UBAP1: variants seen among roughly 807,000 people sequenced by gnomAD.
UBAP1 encodes ubiquitin-associated protein 1.
Under a neutral mutation model 39.0 loss-of-function variants are expected in UBAP1, and 5 were observed. The observed-to-expected ratio is 0.13, with a 90% CI of 0.07 to 0.27. The LOEUF is 0.27. UBAP1 is among the 10% of genes least tolerant of loss of function. UBAP1 has a pLI of 1.00. For missense variants in UBAP1, 490 were observed against 608.1 expected (o/e 0.81, Z 2.04); for synonymous variants, 211 against 225.1 (o/e 0.94, Z 0.56).
In UBAP1 at chr9:34,194,880, C is replaced by T. The variant is rs1176093827; in HGVS notation, c.-8+15640C>T. ...TTAGTAACACTGCTTTGAATAAGTT[C>T]TGATGAGCCACTACCATTGGACCAG... On this transcript the variant is annotated intron_variant, in intron 1 of 6. Coordinates refer to ENST00000297661, the MANE Select transcript of UBAP1 (RefSeq NM_016525.5). Among the ~76,000 whole-genome samples the T allele has an allele frequency of 2.6e-5, 4 of 152,220 alleles. No individual in the cohort carries two copies. The South Asian group carries it at 8.3e-4, about 32-fold the overall frequency.
chr9:34,180,553 G>A (rs1034401121), intron 1 of UBAP1, among the ~76,000 whole-genome samples: 8 of 151,548 alleles, frequency 5.3e-5, no homozygotes, highest in African/African-American at 1.9e-4. Flanking sequence ...AATGTGAAAT[G>A]TGTCAAGTCT....
chr9:34,219,759 C>T (rs1415475345), intron 1 of UBAP1, among the ~76,000 whole-genome samples: 1 of 59,614 alleles, frequency 1.7e-5, no homozygotes, highest in Non-Finnish European at 3.6e-5. Context: ...CCCTCCCCTC[C>T]CCTCTCCCCT....
intron 2 of UBAP1, among the ~76,000 whole-genome samples, chr9:34,231,127 A>ATGTGTGTGTGTGTGTG (rs6150983): frequency 6.5e-4 from 89 of 137,116 alleles, no homozygotes; most frequent in African/African-American, 1.6e-3. Context: ...TAAAAAAATT[A>ATGTGTGTGTGTGTGTG]TGTGTGTGTG....
chr9:34,220,642 T>G (rs1379155907), intron 1 of UBAP1, among the ~76,000 whole-genome samples: 1 of 152,078 alleles, frequency 6.6e-6, no homozygotes, highest in Non-Finnish European at 1.5e-5. Flanking sequence ...ATTTTTAATT[T>G]TTTTAATATA....
chr9:34,179,329 G>T, intron 1 of UBAP1, 89 bp downstream of exon 1: 1 of 973,226 alleles, frequency 1.0e-6, no homozygotes, highest in Non-Finnish European at 1.3e-6. Context: ...ACGGGATGGG[G>T]GGCCGAGCGA....
chr9:34,218,742 T>C (rs1178758299), intron 1 of UBAP1, among the ~76,000 whole-genome samples: 1 of 152,096 alleles, frequency 6.6e-6, no homozygotes, highest in Non-Finnish European at 1.5e-5. Context: ...AAGACCAGCC[T>C]ATCCAACATG....
Position 34,199,769 on chromosome 9 carries a change from G to A in UBAP1, c.-8+20529G>A, listed in dbSNP as rs150249892. On this transcript the variant is annotated intron_variant, in intron 1 of 6. Transcript: ENST00000297661. ...TCCTGCCTCAGCCTCCCTAGTAGCT[G>A]GGACTACAGGCACGTGCCACCATGC... Among the ~76,000 whole-genome samples, 627 of 151,260 alleles carry A rather than the reference G, an allele frequency of 4.1e-3. 5 individuals carry two copies. Among genetic ancestry groups the A allele is most frequent in the African/African-American group, 0.014 (591 of 41,204 alleles).
Position 34,182,931 on chromosome 9 carries a change from C to T in UBAP1, c.-8+3691C>T, listed in dbSNP as rs147472437. Among the ~76,000 whole-genome samples, 562 of 151,744 alleles carry T rather than the reference C, an allele frequency of 3.7e-3. 3 individuals carry two copies. The highest frequency in any genetic ancestry group is 0.013 in the African/African-American group (545 of 41,400). On this transcript the variant is annotated intron_variant, in intron 1 of 6. Coordinates refer to ENST00000297661, the MANE Select transcript of UBAP1 (RefSeq NM_016525.5). ...TTCACCGTGTTATCCAGGATGGTCT[C>T]GATCTCCTGGCTAATTTTTTGTAGT...
chr9:34,215,535 A>G, intron 1 of UBAP1, among the ~76,000 whole-genome samples: 1 of 130,350 alleles, frequency 7.7e-6, no homozygotes, highest in African/African-American at 2.8e-5. Flanking sequence ...ACCTGGGGGG[A>G]AGGGTTGGAG....
intron 4 of UBAP1, among the ~76,000 whole-genome samples, chr9:34,242,733 G>A (rs1008169816): frequency 4.0e-5 from 6 of 151,584 alleles, no homozygotes; most frequent in Admixed American, 2.0e-4. Flanking sequence ...CCACGTTTCC[G>A]AGGCTGGTCT....
chr9:34,249,637 C>T (rs1482600242), intron 4 of UBAP1, 142 bp from the exon 5 acceptor site: 5 of 746,744 alleles, frequency 6.7e-6, no homozygotes, highest in South Asian at 1.9e-5. Flanking sequence ...GTCTGACCAG[C>T]AACCTGGCGA....
chr9:34,221,895 G>A (rs1197412044), intron 2 of UBAP1, among the ~76,000 whole-genome samples: 1 of 152,116 alleles, frequency 6.6e-6, no homozygotes. Flanking sequence ...ACAGTAGAAG[G>A]TAAGAATTTA....
intron 5 of UBAP1, 105 bp from the exon 6 acceptor site, chr9:34,250,553 C>G: frequency 2.5e-6 from 2 of 816,226 alleles, no homozygotes; most frequent in Non-Finnish European, 3.9e-6. Context: ...ATCTGACGGC[C>G]TGGGTGGGGC....
At chr9:34,192,370 C>T (rs1830776117) in intron 1 of UBAP1, among the ~76,000 whole-genome samples, 1 of 151,802 alleles carries the variant, frequency 6.6e-6, no homozygotes, top group South Asian at 2.1e-4. Context: ...CAAAAATTAG[C>T]CGGGTATGGT....
intron 1 of UBAP1, among the ~76,000 whole-genome samples, chr9:34,190,518 G>C (rs927592356): frequency 6.6e-6 from 1 of 151,850 alleles, no homozygotes; most frequent in African/African-American, 2.4e-5. Context: ...TTGAACTCCT[G>C]ATCTCAGGGG....
intron 1 of UBAP1, among the ~76,000 whole-genome samples, chr9:34,211,351 A>G (rs766691506): frequency 6.6e-6 from 1 of 152,118 alleles, no homozygotes; most frequent in Non-Finnish European, 1.5e-5. Flanking sequence ...CTTGTATGGG[A>G]GTTAATTTTT....
At chr9:34,222,163 T>A (rs976497745) in intron 2 of UBAP1, among the ~76,000 whole-genome samples, 2 of 152,140 alleles carry the variant, frequency 1.3e-5, no homozygotes, top group African/African-American at 4.8e-5. Context: ...ATTTTAAGAA[T>A]GATTTACTAG....
In UBAP1 at chr9:34,179,081, G is replaced by C. The variant is rs756968108; in HGVS notation, c.-167G>C. The stretch of plus-strand genomic sequence containing the variant: ...TCAACATGGCGGCTGCGGCACTGGC[G>C]GTGGCTACGGTGACGGCCTGGCCCG... On this transcript the variant is annotated 5_prime_UTR_variant, in exon 1 of 7. Coordinates refer to ENST00000297661, the MANE Select transcript of UBAP1 (RefSeq NM_016525.5). 7.0e-6 allele frequency: 9 copies of C among 1,277,884 alleles called. No individual in the cohort carries two copies. The African/African-American group carries it at 1.1e-4, about 15-fold the overall frequency. 79.2% of individuals were successfully genotyped at this position (1,277,884 alleles called of 1,614,324 possible). A position where few individuals can be genotyped will look rare whatever the true frequency, so the allele number is the denominator to read the frequency against.
chr9:34,204,821 A>G (rs1831594272), intron 1 of UBAP1, among the ~76,000 whole-genome samples: 1 of 152,146 alleles, frequency 6.6e-6, no homozygotes, highest in Non-Finnish European at 1.5e-5. Context: ...TTTTGGTTCA[A>G]TAACTTGTTG....
Sources: gnomAD v4.1 joint callset for allele counts (sites outside exome capture counted in the v4.1 genomes callset) on GRCh38, gnomAD v4.1.1 for gene constraint, MANE v1.5 for transcripts, NCBI Gene and HGNC (gene_info 2026-07-23, HGNC 2026-07-21) for gene names.